SPAG11B: variants seen among roughly 807,000 people sequenced by gnomAD.
The protein encoded by SPAG11B is sperm-associated antigen 11B.
SPAG11B carries 5 observed loss-of-function variants against 8.9 expected under a neutral mutation model. The observed-to-expected ratio is 0.56, with a 90% CI of 0.29 to 1.19. The LOEUF (loss-of-function observed/expected upper bound fraction) is 1.19, where lower values mean the gene tolerates loss of function less well. Among genes scored for constraint, SPAG11B ranks in the 50% most tolerant of loss-of-function variants. The pLI, the probability that SPAG11B is intolerant of heterozygous loss-of-function variation, is 0.08. For synonymous variants in SPAG11B, 12 were observed against 53.0 expected (o/e 0.23, Z 3.36); for missense variants, 38 against 146.4 (o/e 0.26, Z 3.82).
chr8:7,450,401 C>G (rs1477405340), downstream of SPAG11B, among the ~76,000 whole-genome samples: 1 of 144,194 alleles, frequency 6.9e-6, no homozygotes, highest in Non-Finnish European at 1.5e-5. Context: ...GAAAACAGAG[C>G]AGCAGATTGG....
rs1394992570 is a variant in SPAG11B at position 7,452,794 on chromosome 8, G to A, written c.215-1894C>T. ...CACGTGCATTAGGAGACATGTGCAC[G>A]AACGTTCATTGTAGCACATTTCCTT... On this transcript the variant is annotated intron_variant, in intron 2 of 2. Transcript: ENST00000398462. 4.5e-5 allele frequency among the ~76,000 whole-genome samples: 4 copies of A among 89,796 alleles called. No homozygotes were observed. In the East Asian group the frequency reaches 1.0e-3, roughly 23 times the overall value. 58.9% of individuals were successfully genotyped at this position (89,796 alleles called of 152,430 possible).
intron 2 of SPAG11B, among the ~76,000 whole-genome samples, chr8:7,453,911 A>T (rs1417586894): frequency 6.7e-6 from 1 of 149,046 alleles, no homozygotes; most frequent in Non-Finnish European, 1.5e-5. Context: ...CCCTCCACCA[A>T]AAAAAAAGAG....
chr8:7,451,867 C>A (rs963617563), intron 2 of SPAG11B, among the ~76,000 whole-genome samples: 6 of 151,156 alleles, frequency 4.0e-5, no homozygotes, highest in African/African-American at 1.5e-4. Flanking sequence ...CATAAAGATT[C>A]ATTGCACCAT....
At chr8:7,459,132 C>T (rs1193602370) in intron 2 of SPAG11B, among the ~76,000 whole-genome samples, 2 of 77,872 alleles carry the variant, frequency 2.6e-5, no homozygotes, top group Non-Finnish European at 4.4e-5. Context: ...CTGGGAGAAT[C>T]GCTTGAACCC....
At chr8:7,447,758 T>G (rs545363449), downstream of SPAG11B, 997 of 235,350 alleles carry the variant, frequency 4.2e-3, 228 homozygotes, top group African/African-American at 0.04. Flanking sequence ...CAGGATGGGG[T>G]GGACATAATC....
chr8:7,454,082 CAAAAAAA>C lies in SPAG11B; in HGVS notation c.215-3189_215-3183del. On this transcript the variant is annotated intron_variant, in intron 2 of 2. Transcript: ENST00000398462. ...TTCTGAAGACATCTCTGAAATCTCTCAAAAAAAAAAAAAAAAAGAAAGAAAGAAAGAA... is the reference window on the plus strand; with the variant it reads ...TTCTGAAGACATCTCTGAAATCTCTCAAAAAAAAAAGAAAGAAAGAAAGAA... 2.9e-5 allele frequency among the ~76,000 whole-genome samples: 2 copies of C among 67,928 alleles called. 1 individual carries two copies. The highest frequency in any genetic ancestry group is 5.5e-5 in the Non-Finnish European group (2 of 36,314). 44.6% of individuals were successfully genotyped at this position (67,928 alleles called of 152,430 possible). A position where few individuals can be genotyped will look rare whatever the true frequency, so the allele number is the denominator to read the frequency against.
At chr8:7,447,996 G>T (rs548093133), downstream of SPAG11B, 8 of 1,103,024 alleles carry the variant, frequency 7.3e-6, 2 homozygotes, top group South Asian at 1.3e-4. Context: ...GAGGCAGGAA[G>T]AGGAAGTCTC....
downstream of SPAG11B, among the ~76,000 whole-genome samples, chr8:7,448,903 G>C (rs2740040): frequency 7.8e-6 from 1 of 128,080 alleles, no homozygotes. Flanking sequence ...ATGCCTTACA[G>C]GTGGACAAAC....
chr8:7,452,943 C>T (rs1320530190), intron 2 of SPAG11B, among the ~76,000 whole-genome samples: 4 of 146,082 alleles, frequency 2.7e-5, no homozygotes, highest in South Asian at 2.2e-4. Flanking sequence ...ACCTCACAAA[C>T]GCTATGCTGA....
At chr8:7,450,424 C>T (rs1265541550), downstream of SPAG11B, 1 of 948,614 alleles carries the variant, frequency 1.1e-6, no homozygotes, top group East Asian at 2.9e-5. Flanking sequence ...GCATTTATGT[C>T]TCTCTGAAAA....
intron 2 of SPAG11B, among the ~76,000 whole-genome samples, chr8:7,453,551 C>T (rs1810317811): frequency 6.7e-6 from 1 of 148,838 alleles, no homozygotes; most frequent in Non-Finnish European, 1.5e-5. Flanking sequence ...TTATAGCTTG[C>T]AGAGCCTTGT....
intron 2 of SPAG11B, among the ~76,000 whole-genome samples, chr8:7,458,734 A>G (rs1585513151): frequency 8.1e-6 from 1 of 124,120 alleles, no homozygotes; most frequent in South Asian, 2.7e-4. Context: ...TCTGCAAAGT[A>G]GAGAACAAAA....
intron 2 of SPAG11B, among the ~76,000 whole-genome samples, chr8:7,451,834 T>C (rs1443010147): frequency 6.6e-6 from 1 of 151,790 alleles, no homozygotes; most frequent in African/African-American, 2.4e-5. Flanking sequence ...GGGAATATTA[T>C]AAGTTTGAAG....
rs1339357585 is a variant in SPAG11B at position 7,458,965 on chromosome 8, G to A, written c.214+3742C>T. On this transcript the variant is annotated intron_variant, in intron 2 of 2. Coordinates refer to ENST00000398462, the MANE Select transcript of SPAG11B (RefSeq NM_058201.4). ...TGTAATTCCAGCACTTCGGGAGGCC[G>A]ACGCGGACAGATCACCTGAGGTCGG... is the stretch of plus-strand genomic sequence containing the variant. Among the ~76,000 whole-genome samples the A allele has an allele frequency of 3.4e-5, 3 of 88,644 alleles. 1 individual carries two copies. The highest frequency in any genetic ancestry group is 1.4e-4 in the African/African-American group (2 of 14,144). The allele number at this position is 88,644 out of a possible 152,430, so 58.2% of individuals were successfully genotyped here.
intron 2 of SPAG11B, among the ~76,000 whole-genome samples, chr8:7,458,906 A>G (rs1185893856): frequency 2.8e-5 from 2 of 72,410 alleles, no homozygotes; most frequent in Non-Finnish European, 5.1e-5. Context: ...ATAAGAATAA[A>G]GCGGTAACCT....
chr8:7,450,611 T>C lies in SPAG11B; in HGVS notation c.*102A>G, dbSNP rs1233933725. The C allele has an allele frequency of 6.7e-7, 1 of 1,490,006 alleles. No homozygotes were observed. The highest frequency in any genetic ancestry group is 8.9e-7 in the Non-Finnish European group (1 of 1,122,106). 92.3% of individuals were successfully genotyped at this position (1,490,006 alleles called of 1,614,324 possible). Reference sequence around the variant, plus strand: ...TTTATCAGCTCTTCACCTTTGGTGCTAAATTCATTCAACAAATATTTATTG... The same window carrying C: ...TTTATCAGCTCTTCACCTTTGGTGCCAAATTCATTCAACAAATATTTATTG... On this transcript the variant is annotated 3_prime_UTR_variant, in exon 3 of 3. Transcript: ENST00000398462.
At chr8:7,459,467 A>C (rs377432378) in intron 2 of SPAG11B, among the ~76,000 whole-genome samples, 12 of 147,132 alleles carry the variant, frequency 8.2e-5, no homozygotes, top group African/African-American at 2.5e-4. Context: ...ACTAATTGAA[A>C]GACTACTACA....
intron 2 of SPAG11B, among the ~76,000 whole-genome samples, chr8:7,453,567 T>C (rs1810318899): frequency 6.7e-6 from 1 of 149,176 alleles, no homozygotes; most frequent in Non-Finnish European, 1.5e-5. Context: ...CTTGTTATTC[T>C]TCAGATTAGA....
intron 2 of SPAG11B, among the ~76,000 whole-genome samples, chr8:7,458,694 A>G (rs529773395): frequency 9.0e-6 from 1 of 111,448 alleles, no homozygotes; most frequent in Admixed American, 9.4e-5. Flanking sequence ...AAAAAAAAAT[A>G]GAAGGGCTCT....
Sources: allele counts gnomAD v4.1 joint callset (sites outside exome capture counted in the v4.1 genomes callset), GRCh38; gene constraint gnomAD v4.1.1; transcripts MANE v1.5; gene names NCBI Gene and HGNC (gene_info 2026-07-23, HGNC 2026-07-21).